Variants in GPC6 observed in about 807,000 individuals in gnomAD.
GPC6 encodes the protein glypican 6, also known as glypican-6.
Under a neutral mutation model 55.2 loss-of-function variants are expected in GPC6, and 14 were observed. The observed-to-expected ratio is 0.25, with a 90% CI of 0.17 to 0.40. GPC6 has a LOEUF of 0.40. GPC6 is among the 10% of genes least tolerant of loss of function. GPC6 has a pLI of 1.00. For missense variants in GPC6, 641 were observed against 708.5 expected, an observed-to-expected ratio of 0.90 and a Z score of 1.08; for synonymous variants, 278 against 259.6, an observed-to-expected ratio of 1.07 and a Z score of -0.68.
At chr13:93,653,080 A>G (rs1566470056) in intron 2 of GPC6, among the ~76,000 whole-genome samples, 1 of 152,212 alleles carries the variant, frequency 6.6e-6, no homozygotes. Flanking sequence ...ACATTTACAC[A>G]TAAAGCAGTG....
chr13:94,077,457 CT>C (rs1884957463), intron 4 of GPC6, among the ~76,000 whole-genome samples: 2 of 151,642 alleles, frequency 1.3e-5, no homozygotes, highest in Admixed American at 6.6e-5. Flanking sequence ...AATTGGAAGC[CT>C]TTTATTTTTT....
At chr13:93,543,995 A>G (rs1017948302) in intron 1 of GPC6, among the ~76,000 whole-genome samples, 2 of 151,726 alleles carry the variant, frequency 1.3e-5, no homozygotes, top group Non-Finnish European at 2.9e-5. Context: ...TCTGATAACA[A>G]CCATCCTAAC....
chr13:93,658,844 A>G (rs187292571), intron 2 of GPC6, among the ~76,000 whole-genome samples: 16 of 151,954 alleles, frequency 1.1e-4, no homozygotes, highest in African/African-American at 1.4e-4. Context: ...TCCTTCTTTT[A>G]TGATATGATT....
intron 1 of GPC6, among the ~76,000 whole-genome samples, chr13:93,393,677 TC>T (rs1414916456): frequency 6.6e-6 from 1 of 151,958 alleles, no homozygotes; most frequent in African/African-American, 2.4e-5. Context: ...TTTTTGCTCA[TC>T]CCCAGATTCC....
At chr13:94,276,449 C>T (rs1014966436) in intron 4 of GPC6, among the ~76,000 whole-genome samples, 3 of 150,270 alleles carry the variant, frequency 2.0e-5, no homozygotes, top group African/African-American at 4.9e-5. Flanking sequence ...TAGGGACCAG[C>T]GTATGAAGGG....
intron 3 of GPC6, among the ~76,000 whole-genome samples, chr13:93,975,143 T>C (rs967143842): frequency 6.6e-6 from 1 of 152,206 alleles, no homozygotes; most frequent in Non-Finnish European, 1.5e-5. Context: ...AGTCCACCAG[T>C]TGTCTCTGAT....
At chr13:93,475,279 G>A (rs968279739) in intron 1 of GPC6, among the ~76,000 whole-genome samples, 9 of 152,090 alleles carry the variant, frequency 5.9e-5, no homozygotes, top group African/African-American at 2.2e-4. Flanking sequence ...GAGAATTGAT[G>A]GGAGGCAATT....
At chr13:94,050,393 A>G (rs9524319) in intron 4 of GPC6, among the ~76,000 whole-genome samples, 22,022 of 151,860 alleles carry the variant, frequency 0.15, 2,000 homozygotes, top group East Asian at 0.36. Context: ...TGTTTTGAAA[A>G]CTCTATCGTG....
intron 2 of GPC6, among the ~76,000 whole-genome samples, chr13:93,762,809 C>T (rs549507202): frequency 1.7e-3 from 265 of 152,192 alleles, no homozygotes; most frequent in Non-Finnish European, 2.3e-3. Flanking sequence ...GAATGATTGG[C>T]GACCATACTA....
chr13:93,753,276 C>T (rs1884659800), intron 2 of GPC6, among the ~76,000 whole-genome samples: 2 of 152,158 alleles, frequency 1.3e-5, no homozygotes, highest in South Asian at 4.1e-4. Context: ...ATGGTTCTAA[C>T]ACAACTAACA....
intron 4 of GPC6, among the ~76,000 whole-genome samples, chr13:94,119,806 G>A (rs1455054084): frequency 6.6e-6 from 1 of 152,044 alleles, no homozygotes; most frequent in Non-Finnish European, 1.5e-5. Context: ...GGAATGAAGG[G>A]GAAGAGATTT....
chr13:93,891,035 G>C lies in GPC6; in HGVS notation c.711+60490G>C, dbSNP rs556638378. Among the ~76,000 whole-genome samples the C allele has an allele frequency of 2.0e-5, 3 of 152,126 alleles. No homozygotes were observed. In the South Asian group the frequency reaches 6.2e-4, roughly 32 times the overall value. ...AAACAACTAAAATATGAACCTATCAGTGGAAATACAAAGGTATAATTTTTA... is the reference window on the plus strand; with the variant it reads ...AAACAACTAAAATATGAACCTATCACTGGAAATACAAAGGTATAATTTTTA... On this transcript the variant is annotated intron_variant, in intron 3 of 8. Coordinates refer to ENST00000377047, the MANE Select transcript of GPC6 (RefSeq NM_005708.5).
intron 3 of GPC6, among the ~76,000 whole-genome samples, chr13:93,997,557 C>T (rs1438171067): frequency 6.8e-6 from 1 of 147,964 alleles, no homozygotes; most frequent in African/African-American, 2.5e-5. Flanking sequence ...TGTCCATTAT[C>T]ACATCAGCAT....
At chr13:94,262,552 A>C (rs1164284906) in intron 4 of GPC6, among the ~76,000 whole-genome samples, 1 of 152,022 alleles carries the variant, frequency 6.6e-6, no homozygotes, top group African/African-American at 2.4e-5. Flanking sequence ...GCACACCTAT[A>C]GTCCCAGCTG....
chr13:93,957,795 C>G lies in GPC6; in HGVS notation c.712-69934C>G, dbSNP rs1357953213. On this transcript the variant is annotated intron_variant, in intron 3 of 8. Coordinates refer to ENST00000377047, the MANE Select transcript of GPC6 (RefSeq NM_005708.5). ...CTGTTTTATGTTCTTTGAGAAATCT[C>G]CAAACTGCTTTCCACAGGGGTTGAA... Among the ~76,000 whole-genome samples the G allele has an allele frequency of 4.6e-5, 7 of 152,156 alleles. No homozygotes were observed. The East Asian group carries it at 9.6e-4, about 21-fold the overall frequency.
intron 2 of GPC6, among the ~76,000 whole-genome samples, chr13:93,707,922 A>G (rs1380669615): frequency 6.6e-6 from 1 of 151,796 alleles, no homozygotes; most frequent in Non-Finnish European, 1.5e-5. Context: ...GCCAGTAACG[A>G]AATCAACAAA....
rs541543097 is a variant in GPC6, at chr13:93,642,798, G to T, written c.319+97377G>T. Among the ~76,000 whole-genome samples the T allele has an allele frequency of 7.9e-5, 12 of 152,174 alleles. No homozygotes were observed. The South Asian group carries it at 2.5e-3, about 32-fold the overall frequency. On this transcript the variant is annotated intron_variant, in intron 2 of 8. Coordinates refer to ENST00000377047, the MANE Select transcript of GPC6 (RefSeq NM_005708.5). ...ACAAAAATGAAGCATAATTTACTAGGAAAGATTGTTTAACAGTATTCTACG... is the reference window on the plus strand; with the variant it reads ...ACAAAAATGAAGCATAATTTACTAGTAAAGATTGTTTAACAGTATTCTACG...
intron 2 of GPC6, among the ~76,000 whole-genome samples, chr13:93,652,128 G>A (rs1880446473): frequency 1.3e-5 from 2 of 152,122 alleles, no homozygotes; most frequent in Admixed American, 1.3e-4. Flanking sequence ...CCAATAACTT[G>A]TTCACAAGAA....
chr13:93,231,210 T>C (rs1384037308), intron 1 of GPC6, among the ~76,000 whole-genome samples: 1 of 151,160 alleles, frequency 6.6e-6, no homozygotes, highest in African/African-American at 2.4e-5. Flanking sequence ...CCAGGCACTC[T>C]GACTCCAGGG....
Sources: gnomAD v4.1 joint callset for allele counts (sites outside exome capture counted in the v4.1 genomes callset) on GRCh38, gnomAD v4.1.1 for gene constraint, MANE v1.5 for transcripts, NCBI Gene and HGNC (gene_info 2026-07-23, HGNC 2026-07-21) for gene names.